Variants in CDH13 observed in about 807,000 individuals in gnomAD.
CDH13 encodes the protein cadherin 13, also known as cadherin-13.
Under a neutral mutation model 63.8 loss-of-function variants are expected in CDH13, and 24 were observed. The observed-to-expected ratio is 0.38, with a 90% CI of 0.27 to 0.53. The LOEUF (loss-of-function observed/expected upper bound fraction) is 0.53. Among genes scored for constraint, CDH13 ranks in the 20% least tolerant of loss-of-function variants. The pLI is 0.85. For synonymous variants in CDH13, 503 were observed against 355.3 expected (o/e 1.42, Z -4.67); for missense variants, 1,049 against 903.1 (o/e 1.16, Z -2.07).
At chr16:83,245,658 G>T (rs182921854) in intron 5 of CDH13, among the ~76,000 whole-genome samples, 2 of 152,334 alleles carry the variant, frequency 1.3e-5, no homozygotes, top group Non-Finnish European at 2.9e-5. Flanking sequence ...ATTACATAAG[G>T]TTAGAGCTTA....
chr16:83,312,993 G>C lies in CDH13; in HGVS notation c.637-31869G>C, dbSNP rs147965879. Among the ~76,000 whole-genome samples, 501 of 152,278 alleles carry C rather than the reference G, an allele frequency of 3.3e-3. 1 individual carries two copies. The highest frequency in any genetic ancestry group is 5.8e-3 in the Non-Finnish European group (397 of 68,018). ...CAGTGCTTGCAGGGAGTCACTAGAA[G>C]GATCACATGAGATGCAGCTTCTACA... On this transcript the variant is annotated intron_variant, in intron 5 of 13. Transcript: ENST00000567109.
intron 7 of CDH13, among the ~76,000 whole-genome samples, chr16:83,575,346 C>G (rs1415370850): frequency 6.6e-6 from 1 of 152,144 alleles, no homozygotes; most frequent in Non-Finnish European, 1.5e-5. Flanking sequence ...AAAACAAAAA[C>G]AAAAACAAAA....
intron 8 of CDH13, chr16:83,654,913 C>G (rs947841576): frequency 1.3e-5 from 2 of 152,322 alleles, no homozygotes; most frequent in African/African-American, 2.4e-5. Context: ...AGGCGGGCTG[C>G]TCCCTGGGGC....
At chr16:83,262,741 T>A (rs1269131984) in intron 5 of CDH13, among the ~76,000 whole-genome samples, 3 of 152,212 alleles carry the variant, frequency 2.0e-5, no homozygotes, top group Non-Finnish European at 4.4e-5. Flanking sequence ...ATAAATGCAC[T>A]AGAATAACTT....
chr16:82,921,265 C>G (rs745939038), intron 2 of CDH13, among the ~76,000 whole-genome samples: 3 of 152,162 alleles, frequency 2.0e-5, no homozygotes, highest in Non-Finnish European at 2.9e-5. Flanking sequence ...GGCAGAGCTA[C>G]ACTCTCTCCA....
intron 8 of CDH13, among the ~76,000 whole-genome samples, chr16:83,658,050 T>C (rs376476187): frequency 2.3e-5 from 2 of 88,194 alleles, no homozygotes; most frequent in South Asian, 7.5e-4. Flanking sequence ...ACCAGCAAGG[T>C]CCCATATCCT....
intron 3 of CDH13, among the ~76,000 whole-genome samples, chr16:83,069,026 G>C (rs2032241943): frequency 6.6e-6 from 1 of 152,188 alleles, no homozygotes; most frequent in Non-Finnish European, 1.5e-5. Flanking sequence ...GGATATCCCA[G>C]AACAAGAAGC....
intron 1 of CDH13, among the ~76,000 whole-genome samples, chr16:82,662,166 G>C (rs1351222535): frequency 6.7e-6 from 1 of 148,516 alleles, no homozygotes; most frequent in African/African-American, 2.5e-5. Flanking sequence ...GCATAGAAAG[G>C]TCACCCTTGT....
intron 4 of CDH13, among the ~76,000 whole-genome samples, chr16:83,200,346 A>G (rs12448565): frequency 0.022 from 3,391 of 152,280 alleles, 88 homozygotes; most frequent in South Asian, 0.089. Flanking sequence ...CTGAAAGTTA[A>G]GACTAAACCA....
At chr16:83,625,322 G>C (rs898731920) in intron 8 of CDH13, among the ~76,000 whole-genome samples, 5 of 152,100 alleles carry the variant, frequency 3.3e-5, no homozygotes, top group African/African-American at 4.8e-5. Context: ...TTCCACGCTG[G>C]TTTATTGGTT....
chr16:83,795,922 A>G lies in CDH13; in HGVS notation c.*892A>G, dbSNP rs1904278648. On this transcript the variant is annotated 3_prime_UTR_variant, in exon 14 of 14. Coordinates refer to ENST00000567109, the MANE Select transcript of CDH13 (RefSeq NM_001257.5). ...CAGTAAATGTACAACTGCACCTGTC[A>G]TCATGGAGGTCATACATGCATACAA... 1 of 152,670 alleles carries G rather than the reference A, an allele frequency of 6.6e-6. No individual in the cohort carries two copies. Among genetic ancestry groups the G allele is most frequent in the African/African-American group, 2.4e-5 (1 of 41,454 alleles). The allele number at this position is 152,670 out of a possible 1,614,324, so 9.5% of individuals were successfully genotyped here. A position where few individuals can be genotyped will look rare whatever the true frequency, so the allele number is the denominator to read the frequency against.
At chr16:83,462,757 G>T (rs1327591453) in intron 6 of CDH13, among the ~76,000 whole-genome samples, 1 of 152,104 alleles carries the variant, frequency 6.6e-6, no homozygotes, top group Non-Finnish European at 1.5e-5. Context: ...TTCTGCCTCA[G>T]ATAAAAAGAA....
rs1433021264 is a variant in CDH13 at position 83,549,284 on chromosome 16, TG to T, written c.961-53169del. Among the ~76,000 whole-genome samples, 2 of 152,358 alleles carry T rather than the reference TG, an allele frequency of 1.3e-5. 1 individual carries two copies. The highest frequency in any genetic ancestry group is 4.8e-5 in the African/African-American group (2 of 41,586). On this transcript the variant is annotated intron_variant, in intron 7 of 13. Coordinates refer to ENST00000567109, the MANE Select transcript of CDH13 (RefSeq NM_001257.5). ...CATCCCACTCTCCAGGTCACCTCTCTGTGCTTCACCCCACCTCTCATTCTTC... is the reference window on the plus strand; with the variant it reads ...CATCCCACTCTCCAGGTCACCTCTCTTGCTTCACCCCACCTCTCATTCTTC...
chr16:83,779,405 T>TTAAAAA (rs1174439191), intron 11 of CDH13, among the ~76,000 whole-genome samples: 2 of 67,786 alleles, frequency 3.0e-5, no homozygotes, highest in African/African-American at 1.3e-4. Flanking sequence ...AGACTCCATC[T>TTAAAAA]CAAAAAAAAA....
chr16:83,241,976 AT>A (rs1904498960), intron 5 of CDH13, among the ~76,000 whole-genome samples: 2 of 152,140 alleles, frequency 1.3e-5, no homozygotes, highest in Non-Finnish European at 2.9e-5. Flanking sequence ...TAGGTCTCAC[AT>A]TTAGGTCTTT....
chr16:82,921,321 G>A (rs2042147221), intron 2 of CDH13, among the ~76,000 whole-genome samples: 1 of 152,148 alleles, frequency 6.6e-6, no homozygotes, highest in Admixed American at 6.5e-5. Flanking sequence ...AGCTTCTGGT[G>A]GCAGCTGGCA....
chr16:83,104,343 G>A (rs1380990753), intron 3 of CDH13, among the ~76,000 whole-genome samples: 1 of 152,136 alleles, frequency 6.6e-6, no homozygotes, highest in Non-Finnish European at 1.5e-5. Context: ...ATTTATTAAT[G>A]TAAACTGCAT....
At chr16:83,471,796 T>C (rs2073460730) in intron 6 of CDH13, among the ~76,000 whole-genome samples, 1 of 152,130 alleles carries the variant, frequency 6.6e-6, no homozygotes, top group African/African-American at 2.4e-5. Flanking sequence ...CTCAGCAACT[T>C]GCAAGGAAGA....
rs2073899300 is a variant in CDH13, at chr16:83,486,721, T to G, written c.960+66T>G. The stretch of plus-strand genomic sequence containing the variant: ...AATGTGGCTTTCATGCAAGGGATGA[T>G]GTGGGGCTCCAGTCAGTGGTTTTTT... On this transcript the variant is annotated intron_variant, in intron 7 of 13. Coordinates refer to ENST00000567109, the MANE Select transcript of CDH13 (RefSeq NM_001257.5). The G allele has an allele frequency of 4.1e-6, 6 of 1,465,856 alleles. No individual in the cohort carries two copies. In the South Asian group the frequency reaches 7.0e-5, roughly 17 times the overall value. 90.8% of individuals were successfully genotyped at this position (1,465,856 alleles called of 1,614,324 possible). A position where few individuals can be genotyped will look rare whatever the true frequency, so the allele number is the denominator to read the frequency against.
Sources: allele counts gnomAD v4.1 joint callset (sites outside exome capture counted in the v4.1 genomes callset), GRCh38; gene constraint gnomAD v4.1.1; transcripts MANE v1.5; gene names NCBI Gene and HGNC (gene_info 2026-07-23, HGNC 2026-07-21).